GSDME: variants seen among roughly 807,000 people sequenced by gnomAD.
GSDME encodes the protein gasdermin E.
In GSDME, 44 loss-of-function variants were observed where a neutral mutation model predicts 47.5. That is an observed-to-expected ratio of 0.93 (90% CI 0.73 to 1.19). The LOEUF (loss-of-function observed/expected upper bound fraction) is 1.19. GSDME is among the 50% of genes most tolerant of loss of function. The pLI is 0.00. For missense variants in GSDME, 663 were observed against 604.2 expected (o/e 1.10, Z -1.02); for synonymous variants, 258 against 252.8 (o/e 1.02, Z -0.20).
intron 3 of GSDME, among the ~76,000 whole-genome samples, chr7:24,731,547 G>A (rs932418447): frequency 6.6e-6 from 1 of 152,226 alleles, no homozygotes; most frequent in Non-Finnish European, 1.5e-5. Flanking sequence ...GTGGCTCCCT[G>A]TCTGGCTCTC....
the GSDME span, among the ~76,000 whole-genome samples, chr7:24,773,899 T>C: frequency 6.6e-6 from 1 of 152,374 alleles, no homozygotes; most frequent in Non-Finnish European, 1.5e-5. This position sits in a 1 kb window ranked among gnomAD's most constrained non-coding sequence, Gnocchi z 5.4. Flanking sequence ...AACCACATCC[T>C]TGCTTTTTCA....
rs537363947 is a variant in GSDME at position 24,705,210 on chromosome 7, T to C, written c.1183+974A>G. On this transcript the variant is annotated intron_variant, in intron 8 of 9. Coordinates refer to ENST00000645220, the MANE Select transcript of GSDME (RefSeq NM_001127453.2). This position sits in a 1 kb window ranked among gnomAD's most constrained non-coding sequence, Gnocchi z 4.1. ...GAATGCCTGTTCTGAAAGACTCTAA[T>C]ACCCGGATGTTAACATTGGGAGAAA... The C allele has an allele frequency of 6.6e-6, 1 of 152,348 alleles. No homozygotes were observed. The highest frequency in any genetic ancestry group is 2.1e-4 in the South Asian group (1 of 4,830). The allele number at this position is 152,348 out of a possible 1,614,324, so 9.4% of individuals were successfully genotyped here.
chr7:24,764,331 A>G, the GSDME span, among the ~76,000 whole-genome samples: 2 of 152,208 alleles, frequency 1.3e-5, no homozygotes, highest in Non-Finnish European at 2.9e-5. This position sits in a 1 kb window ranked among gnomAD's most constrained non-coding sequence, Gnocchi z 4.4. Context: ...GGCACCTGTG[A>G]TATCATGAAA....
chr7:24,789,633 G>A, the GSDME span, among the ~76,000 whole-genome samples: 4 of 152,330 alleles, frequency 2.6e-5, no homozygotes, highest in East Asian at 1.9e-4. Flanking sequence ...GGCCCAGGGC[G>A]CAAGCTGGGC....
At chr7:24,722,611 G>T (rs922612623) in intron 3 of GSDME, among the ~76,000 whole-genome samples, 12 of 152,164 alleles carry the variant, frequency 7.9e-5, no homozygotes, top group Admixed American at 6.5e-5. Context: ...AGTCTGATGT[G>T]ACTCTGCTGG....
intron 3 of GSDME, among the ~76,000 whole-genome samples, chr7:24,730,022 G>A (rs1013237561): frequency 2.0e-5 from 3 of 152,218 alleles, no homozygotes; most frequent in African/African-American, 7.2e-5. Context: ...AAGAGACAAG[G>A]TGTGGGAGAG....
At chr7:24,702,254 C>G (rs1341387456) in intron 9 of GSDME, among the ~76,000 whole-genome samples, 1 of 152,204 alleles carries the variant, frequency 6.6e-6, no homozygotes, top group East Asian at 1.9e-4. Context: ...TTACCTAACT[C>G]ATGCTCTTAG....
chr7:24,748,464 A>C (rs1168814020), intron 2 of GSDME, among the ~76,000 whole-genome samples: 1 of 152,120 alleles, frequency 6.6e-6, no homozygotes, highest in Non-Finnish European at 1.5e-5. Flanking sequence ...GGCCTACAGT[A>C]TATTTTCAGT....
At chr7:24,794,485 G>A in the GSDME span, among the ~76,000 whole-genome samples, 3 of 152,070 alleles carry the variant, frequency 2.0e-5, no homozygotes, top group Non-Finnish European at 2.9e-5. Context: ...CTTAACCACC[G>A]TGGGGGGTCT....
At position 24,699,269 on chromosome 7, in the gene GSDME, C is replaced by T; in HGVS notation, c.1258-10G>A. 2 of 1,567,738 alleles carry T rather than the reference C, an allele frequency of 1.3e-6. No individual in the cohort carries two copies. Among genetic ancestry groups the T allele is most frequent in the East Asian group, 4.5e-5 (2 of 44,620 alleles). On this transcript the variant is annotated splice_polypyrimidine_tract_variant and intron_variant, in intron 9 of 9. Transcript: ENST00000645220. Reference sequence around the variant, plus strand: ...CAGACAGAGCACGAAGCTGAAATGACACATTTAAACAAATTCACTTTTAAA... The same window carrying T: ...CAGACAGAGCACGAAGCTGAAATGATACATTTAAACAAATTCACTTTTAAA...
intron 5 of GSDME, chr7:24,715,457 T>C (rs1385314934): frequency 4.2e-6 from 2 of 470,820 alleles, no homozygotes; most frequent in African/African-American, 4.0e-5. Flanking sequence ...CACTTGTACA[T>C]CTTGAACATA....
chr7:24,728,162 G>C lies in GSDME; in HGVS notation c.405-8944C>G, dbSNP rs1409692746. 6.6e-6 allele frequency among the ~76,000 whole-genome samples: 1 copy of C among 152,126 alleles called. No individual in the cohort carries two copies. Among genetic ancestry groups the C allele is most frequent in the Non-Finnish European group, 1.5e-5 (1 of 68,028 alleles). On this transcript the variant is annotated intron_variant, in intron 3 of 9. Coordinates refer to ENST00000645220, the MANE Select transcript of GSDME (RefSeq NM_001127453.2). The surrounding 1 kb of genome is among the most constrained non-coding windows in gnomAD (Gnocchi z 7.2). ...TGAGACCTGAGGAAAATCTGTTAGG[G>C]GTTCTCAAGTTTTTCTCCCTCTTAA...
At position 24,739,292 on chromosome 7, in the gene GSDME, T is replaced by A. The variant is rs1014922682; in HGVS notation, c.404+5270A>T. ...AACAACTGTAGGGAAAAAAATCTAATAATCCTGTTAAAAATGGGCAAAAGA... is the reference window on the plus strand; with the variant it reads ...AACAACTGTAGGGAAAAAAATCTAAAAATCCTGTTAAAAATGGGCAAAAGA... On this transcript the variant is annotated intron_variant, in intron 3 of 9. Transcript: ENST00000645220. The surrounding 1 kb of genome is among the most constrained non-coding windows in gnomAD (Gnocchi z 5.1). 7.9e-5 allele frequency among the ~76,000 whole-genome samples: 12 copies of A among 152,098 alleles called. 1 individual carries two copies. The highest frequency in any genetic ancestry group is 2.9e-4 in the African/African-American group (12 of 41,444).
upstream of GSDME, among the ~76,000 whole-genome samples, chr7:24,762,666 A>AGCG (rs1791184766): frequency 6.6e-6 from 1 of 152,264 alleles, no homozygotes; most frequent in Admixed American, 6.5e-5. Context: ...TTTGTAGTAT[A>AGCG]GCGGGAAAGG....
chr7:24,794,299 C>G, the GSDME span, among the ~76,000 whole-genome samples: 1 of 148,338 alleles, frequency 6.7e-6, no homozygotes. Flanking sequence ...CTCTTTCTCT[C>G]CTCTCTCTCT....
chr7:24,718,981 G>A, intron 4 of GSDME, 66 bp downstream of exon 4: 1 of 1,571,618 alleles, frequency 6.4e-7, no homozygotes, highest in Non-Finnish European at 8.7e-7. Context: ...ACCACCCAAA[G>A]AGGCCCCCAA....
intron 1 of GSDME, among the ~76,000 whole-genome samples, chr7:24,753,410 C>T (rs1486681546): frequency 6.6e-6 from 1 of 152,304 alleles, no homozygotes; most frequent in East Asian, 1.9e-4. Flanking sequence ...TTACTTGTCC[C>T]ATGTTGCTGA....
At chr7:24,710,638 C>A (rs969858795) in intron 5 of GSDME, 1 of 520,748 alleles carries the variant, frequency 1.9e-6, no homozygotes, top group South Asian at 2.2e-5. Flanking sequence ...ATTCTCTGAA[C>A]AGGCTGGACA....
At position 24,698,903 on chromosome 7, in the gene GSDME, C is replaced by CACCACTTCTTAAACTGTT; in HGVS notation, c.*105_*122dup. ...TCAGGTCATTCATCATGCAAAATGTCACCACTTCTTAAACTGTTCTGTAAA... is the reference window on the plus strand; with the variant it reads ...TCAGGTCATTCATCATGCAAAATGTCACCACTTCTTAAACTGTTACCACTTCTTAAACTGTTCTGTAAA... On this transcript the variant is annotated 3_prime_UTR_variant, in exon 10 of 10. Coordinates refer to ENST00000645220, the MANE Select transcript of GSDME (RefSeq NM_001127453.2). The CACCACTTCTTAAACTGTT allele has an allele frequency of 1.3e-6, 1 of 781,774 alleles. No homozygotes were observed. The highest frequency in any genetic ancestry group is 1.5e-5 in the South Asian group (1 of 67,452). The allele number at this position is 781,774 out of a possible 1,614,324, so 48.4% of individuals were successfully genotyped here. A position where few individuals can be genotyped will look rare whatever the true frequency, so the allele number is the denominator to read the frequency against.
Sources: gnomAD v4.1 joint callset for allele counts (sites outside exome capture counted in the v4.1 genomes callset) on GRCh38, gnomAD v4.1.1 for gene constraint, Gnocchi (gnomAD v3.1) non-coding constraint, MANE v1.5 for transcripts, NCBI Gene and HGNC (gene_info 2026-07-23, HGNC 2026-07-21) for gene names.